The following ABCA13 variants were observed in gnomAD, a reference collection of about 807,000 sequenced individuals.
ABCA13 encodes ATP binding cassette subfamily A member 13.
In ABCA13, 476 loss-of-function variants were observed where a neutral mutation model predicts 478.7. The ratio of observed to expected loss-of-function variants is 0.99; its 90% CI spans 0.92 to 1.07. ABCA13 has a LOEUF of 1.07. ABCA13 is among the 50% of genes least tolerant of loss of function. The pLI is 0.00. For synonymous variants in ABCA13, 2,252 were observed against 2,158.9 expected (o/e 1.04, Z -1.20); for missense variants, 6,060 against 5,910.6 (o/e 1.03, Z -0.83).
intron 48 of ABCA13, among the ~76,000 whole-genome samples, chr7:48,493,502 C>T (rs1830017313): frequency 6.6e-6 from 1 of 151,992 alleles, no homozygotes; most frequent in Non-Finnish European, 1.5e-5. Flanking sequence ...AGGTATCTTC[C>T]TCTGATAGAG....
chr7:48,234,765 A>G (rs552483641), intron 8 of ABCA13, among the ~76,000 whole-genome samples: 1 of 152,154 alleles, frequency 6.6e-6, no homozygotes, highest in Non-Finnish European at 1.5e-5. Flanking sequence ...TCTGCTTTGC[A>G]TGGTGCAGGT....
intron 41 of ABCA13, among the ~76,000 whole-genome samples, chr7:48,423,534 T>G (rs1433509): frequency 6.6e-6 from 1 of 151,824 alleles, no homozygotes; most frequent in Non-Finnish European, 1.5e-5. Context: ...CCCAAAAGGA[T>G]GGGGCATAGG....
intron 56 of ABCA13, among the ~76,000 whole-genome samples, chr7:48,581,420 T>A (rs1163241839): frequency 6.6e-6 from 1 of 152,234 alleles, no homozygotes; most frequent in Non-Finnish European, 1.5e-5. Flanking sequence ...AAAGCAAAGA[T>A]AACTGACCAC....
At chr7:48,211,466 C>T (rs1237216854) in intron 3 of ABCA13, among the ~76,000 whole-genome samples, 1 of 152,122 alleles carries the variant, frequency 6.6e-6, no homozygotes, top group Non-Finnish European at 1.5e-5. Flanking sequence ...CCTTCTGTTT[C>T]CCCTAATCAG....
intron 20 of ABCA13, among the ~76,000 whole-genome samples, chr7:48,291,885 C>T (rs368946971): frequency 2.0e-5 from 3 of 152,144 alleles, no homozygotes; most frequent in South Asian, 2.1e-4. Flanking sequence ...CCCATCCCCA[C>T]GTCACTCAGC....
rs1794197627 is a variant in ABCA13, at chr7:48,261,646, CT to C, written c.2006-7332del. ...TATTTTTAATTTTTGAGAACTTTTT[CT>C]TATTCTAAATATGTTCATTAAAATA... On this transcript the variant is annotated intron_variant, in intron 15 of 61. Coordinates refer to ENST00000435803, the MANE Select transcript of ABCA13 (RefSeq NM_152701.5). Among the ~76,000 whole-genome samples, 3 of 151,642 alleles carry C rather than the reference CT, an allele frequency of 2.0e-5. No individual in the cohort carries two copies. The South Asian group carries it at 6.2e-4, about 32-fold the overall frequency.
At chr7:48,438,115 A>G (rs10234628) in intron 42 of ABCA13, among the ~76,000 whole-genome samples, 45,056 of 151,788 alleles carry the variant, frequency 0.3, 6,726 homozygotes, top group East Asian at 0.37. Flanking sequence ...TGAATCAGGT[A>G]AAACAGACAC....
chr7:48,461,791 A>G (rs1373199086), intron 43 of ABCA13, among the ~76,000 whole-genome samples: 3 of 152,194 alleles, frequency 2.0e-5, no homozygotes, highest in Non-Finnish European at 4.4e-5. Context: ...GTGAACTCAC[A>G]GATGTTGGGT....
chr7:48,356,199 A>T (rs1164064334), intron 31 of ABCA13, among the ~76,000 whole-genome samples: 2 of 151,856 alleles, frequency 1.3e-5, no homozygotes, highest in Admixed American at 1.3e-4. Flanking sequence ...GTAAAGACAG[A>T]TAATCGACCA....
chr7:48,630,831 T>C (rs370566719), intron 59 of ABCA13, among the ~76,000 whole-genome samples: 4 of 147,694 alleles, frequency 2.7e-5, no homozygotes, highest in African/African-American at 7.5e-5. Flanking sequence ...TTTTTTTTTC[T>C]TTTTAATAAT....
chr7:48,219,611 T>G, intron 4 of ABCA13, 106 bp downstream of exon 4: 2 of 1,399,828 alleles, frequency 1.4e-6, no homozygotes, highest in Non-Finnish European at 1.9e-6. Flanking sequence ...CTCCTGCCTG[T>G]GCTAAACTTT....
At chr7:48,428,162 T>C (rs1375176342) in intron 42 of ABCA13, among the ~76,000 whole-genome samples, 1 of 152,206 alleles carries the variant, frequency 6.6e-6, no homozygotes, top group Non-Finnish European at 1.5e-5. Context: ...ATGACCATCA[T>C]TCATCTTATT....
intron 61 of ABCA13, 32 bp from the exon 62 acceptor site, chr7:48,645,385 T>C (rs376257229): frequency 1.3e-6 from 2 of 1,513,884 alleles, no homozygotes; most frequent in Non-Finnish European, 1.8e-6. Flanking sequence ...TGTATTCTTA[T>C]AAGTAAACAA....
At chr7:48,550,401 G>A (rs57739046) in intron 55 of ABCA13, among the ~76,000 whole-genome samples, 8,371 of 151,474 alleles carry the variant, frequency 0.055, 385 homozygotes, top group South Asian at 0.086. Context: ...GGGAGTACAG[G>A]CGCCTGCCAC....
intron 16 of ABCA13, among the ~76,000 whole-genome samples, chr7:48,270,255 T>C (rs1280975240): frequency 7.9e-5 from 12 of 152,072 alleles, no homozygotes; most frequent in Non-Finnish European, 1.6e-4. Flanking sequence ...ATTAAAAAAA[T>C]AAAAAGTTTC....
At chr7:48,215,115 CTAA>C (rs754365526) in intron 3 of ABCA13, among the ~76,000 whole-genome samples, 1 of 151,800 alleles carries the variant, frequency 6.6e-6, no homozygotes, top group Non-Finnish European at 1.5e-5. Context: ...GACTCTGTCT[CTAA>C]TAATAATAAT....
At chr7:48,553,211 T>A (rs1184485258) in intron 55 of ABCA13, among the ~76,000 whole-genome samples, 1 of 152,136 alleles carries the variant, frequency 6.6e-6, no homozygotes, top group Non-Finnish European at 1.5e-5. Flanking sequence ...TCTATTCATC[T>A]GCTGATGGAC....
At chr7:48,419,776 C>A (rs17630810) in intron 41 of ABCA13, among the ~76,000 whole-genome samples, 1 of 151,910 alleles carries the variant, frequency 6.6e-6, no homozygotes, top group Non-Finnish European at 1.5e-5. Flanking sequence ...CTAGATTTTA[C>A]GTATCTCTCT....
In ABCA13 at chr7:48,617,741, CCTTCAGTGCAGGT is replaced by C. The variant is rs1179312788; in HGVS notation, c.14837+2367_14837+2379del. Among the ~76,000 whole-genome samples the C allele has an allele frequency of 9.2e-5, 14 of 152,240 alleles. No individual in the cohort carries two copies. The East Asian group carries it at 1.9e-3, about 21-fold the overall frequency. On this transcript the variant is annotated intron_variant, in intron 59 of 61. Transcript: ENST00000435803. The stretch of plus-strand genomic sequence containing the variant: ...CTTGACCTCATGAACAGTCGGGAAC[CCTTCAGTGCAGGT>C]CTCAGCAAATTCGCCCGTGACAGGA...
Sources: gnomAD v4.1 joint callset for allele counts (sites outside exome capture counted in the v4.1 genomes callset) on GRCh38, gnomAD v4.1.1 for gene constraint, MANE v1.5 for transcripts, NCBI Gene and HGNC (gene_info 2026-07-23, HGNC 2026-07-21) for gene names.